Variants in TNR observed in about 807,000 individuals in gnomAD.
TNR encodes the protein tenascin-R.
In TNR, 45 loss-of-function variants were observed where a neutral mutation model predicts 150.4. The ratio of observed to expected loss-of-function variants is 0.30; its 90% CI spans 0.24 to 0.38. TNR has a LOEUF of 0.38. Ranked by LOEUF, TNR falls within the 10% of genes least tolerant of loss-of-function variation. The pLI is 1.00. For missense variants in TNR, 1,544 were observed against 1,759.1 expected (o/e 0.88, Z 2.19); for synonymous variants, 687 against 678.4 (o/e 1.01, Z -0.20).
rs960125516 is a variant in TNR at position 175,324,032 on chromosome 1, C to T, written c.3957+324G>A. On this transcript the variant is annotated intron_variant, in intron 22 of 22. Coordinates refer to ENST00000367674, the MANE Select transcript of TNR (RefSeq NM_003285.3). The stretch of plus-strand genomic sequence containing the variant: ...ATTGTCCAGTTCACACTGGTATTTT[C>T]GATGTCTACCTTCCTGGGACCATTT... 1.1e-4 allele frequency among the ~76,000 whole-genome samples: 16 copies of T among 152,220 alleles called. No individual in the cohort carries two copies. In the South Asian group the frequency reaches 2.1e-3, roughly 20 times the overall value.
At chr1:175,472,626 C>T (rs1031642113) in intron 2 of TNR, among the ~76,000 whole-genome samples, 13 of 152,278 alleles carry the variant, frequency 8.5e-5, no homozygotes, top group Middle Eastern at 3.4e-3. Flanking sequence ...CGTATGGGAC[C>T]ACTGTCATAT....
chr1:175,712,191 A>T (rs1667036857), intron 1 of TNR, among the ~76,000 whole-genome samples: 1 of 152,148 alleles, frequency 6.6e-6, no homozygotes, highest in Non-Finnish European at 1.5e-5. Context: ...AGCTACCAGA[A>T]TTCTCATTTT....
intron 8 of TNR, among the ~76,000 whole-genome samples, chr1:175,381,968 C>T (rs919434130): frequency 3.9e-5 from 6 of 152,356 alleles, no homozygotes; most frequent in Admixed American, 3.9e-4. Flanking sequence ...GCACTGGCTT[C>T]TGCCTTTGCC....
chr1:175,579,619 A>G (rs1662267832), intron 1 of TNR, among the ~76,000 whole-genome samples: 1 of 151,284 alleles, frequency 6.6e-6, no homozygotes, highest in Non-Finnish European at 1.5e-5. Context: ...GATGTTATCT[A>G]GTATCAGTTA....
At chr1:175,682,783 A>G (rs1439586895) in intron 1 of TNR, among the ~76,000 whole-genome samples, 1 of 152,158 alleles carries the variant, frequency 6.6e-6, no homozygotes, top group African/African-American at 2.4e-5. Flanking sequence ...TCTTATGGTA[A>G]TAAGAGGGGT....
rs550132305 is a variant in TNR at position 175,525,512 on chromosome 1, T to A, written c.-64+2757A>T. ...GTAGTTTCTGATCAAAGCCATAGTT[T>A]AAATGGATTACAAGTAATTTCCTCC... On this transcript the variant is annotated intron_variant, in intron 2 of 22. Coordinates refer to ENST00000367674, the MANE Select transcript of TNR (RefSeq NM_003285.3). Among the ~76,000 whole-genome samples the A allele has an allele frequency of 6.6e-5, 10 of 152,328 alleles. No homozygotes were observed. In the East Asian group the frequency reaches 1.9e-3, roughly 29 times the overall value.
intron 1 of TNR, among the ~76,000 whole-genome samples, chr1:175,741,574 C>G (rs1667933268): frequency 1.3e-5 from 2 of 152,182 alleles, no homozygotes; most frequent in African/African-American, 4.8e-5. Flanking sequence ...CTGCATTTGT[C>G]TATTTCAGTC....
intron 15 of TNR, among the ~76,000 whole-genome samples, chr1:175,359,139 C>CTTTTTTATTTTTTT (rs1651468516): frequency 2.4e-5 from 1 of 42,138 alleles, no homozygotes; most frequent in Non-Finnish European, 4.3e-5. Context: ...GGGATATCTT[C>CTTTTTTATTTTTTT]TTTTTTTTTT....
At chr1:175,630,168 T>C (rs1316657183) in intron 1 of TNR, among the ~76,000 whole-genome samples, 6 of 152,124 alleles carry the variant, frequency 3.9e-5, no homozygotes, top group Non-Finnish European at 8.8e-5. Context: ...TGAAAAAATA[T>C]CAAGAGCGAT....
chr1:175,434,292 T>G (rs1006729394), intron 2 of TNR, among the ~76,000 whole-genome samples: 1 of 152,148 alleles, frequency 6.6e-6, no homozygotes, highest in East Asian at 1.9e-4. Flanking sequence ...CGACTGTCCC[T>G]GGGAACACAA....
intron 2 of TNR, among the ~76,000 whole-genome samples, chr1:175,524,380 G>C (rs1031037531): frequency 2.6e-5 from 4 of 152,080 alleles, no homozygotes; most frequent in African/African-American, 9.7e-5. Flanking sequence ...TCCAGGACAA[G>C]AGAAAGAGAG....
At chr1:175,380,639 T>C (rs905760190) in intron 8 of TNR, among the ~76,000 whole-genome samples, 1 of 151,930 alleles carries the variant, frequency 6.6e-6, no homozygotes, top group African/African-American at 2.4e-5. Context: ...AAGCTTTTCC[T>C]GAGTTCCATC....
At chr1:175,391,136 G>T in intron 7 of TNR, 152 bp downstream of exon 7, 1 of 846,084 alleles carries the variant, frequency 1.2e-6, no homozygotes, top group Non-Finnish European at 1.8e-6. Context: ...TAAGCATCTG[G>T]TAGAGTAGCT....
chr1:175,503,320 C>T (rs1054105792), intron 2 of TNR, among the ~76,000 whole-genome samples: 2 of 152,128 alleles, frequency 1.3e-5, no homozygotes, highest in Admixed American at 6.5e-5. Context: ...GACAGACCCA[C>T]GTTCTTTTTC....
chr1:175,529,333 G>A (rs1411195190), intron 1 of TNR, among the ~76,000 whole-genome samples: 2 of 152,204 alleles, frequency 1.3e-5, no homozygotes, highest in African/African-American at 4.8e-5. Flanking sequence ...GCTCATCTAA[G>A]ACATCTGTGA....
chr1:175,403,544 T>C lies in TNR; in HGVS notation c.572A>G (p.Asn191Ser). 6.2e-7 allele frequency: 1 copy of C among 1,614,188 alleles called. No homozygotes were observed. Among genetic ancestry groups the C allele is most frequent in the Non-Finnish European group, 8.5e-7 (1 of 1,180,032 alleles). The change falls in exon 4 of 23, where the codon AAC becomes AGC. Residue 191 changes from asparagine to serine, a missense_variant. This residue lies in a region of TNR where 1,254 missense variants were observed against 1,329.4 expected (regional missense o/e 0.94). Coordinates refer to ENST00000367674, the MANE Select transcript of TNR (RefSeq NM_003285.3). ...FSFESCGCIC[N>S]EGWFGKNCSE... ...GCAATTCTTGCCAAACCAGCCTTCG[T>C]TGCAGATGCAGCCACAGGACTCAAA... is the stretch of plus-strand genomic sequence containing the variant.
In TNR at chr1:175,315,926, T is replaced by C. The variant is rs1648828083; in HGVS notation, c.*7431A>G. 1 of 152,028 alleles carries C rather than the reference T, an allele frequency of 6.6e-6. No individual in the cohort carries two copies. Among genetic ancestry groups the C allele is most frequent in the Non-Finnish European group, 1.5e-5 (1 of 67,998 alleles). 9.4% of individuals were successfully genotyped at this position (152,028 alleles called of 1,614,324 possible). On this transcript the variant is annotated 3_prime_UTR_variant, in exon 23 of 23. Coordinates refer to ENST00000367674, the MANE Select transcript of TNR (RefSeq NM_003285.3). Reference sequence around the variant, plus strand: ...AAACCTTGAGTCTGTGGGACCATGGTGTGAGTCTGGGCCTCCGCAGTTGGT... The same window carrying C: ...AAACCTTGAGTCTGTGGGACCATGGCGTGAGTCTGGGCCTCCGCAGTTGGT...
At chr1:175,673,669 G>A (rs1049690567) in intron 1 of TNR, among the ~76,000 whole-genome samples, 2 of 152,182 alleles carry the variant, frequency 1.3e-5, no homozygotes, top group South Asian at 2.1e-4. Flanking sequence ...CCTCACAATC[G>A]AAGTGAGTAA....
intron 1 of TNR, among the ~76,000 whole-genome samples, chr1:175,632,313 C>A (rs1199274524): frequency 1.3e-5 from 2 of 152,238 alleles, no homozygotes; most frequent in African/African-American, 4.8e-5. Flanking sequence ...CTCCCCCGTG[C>A]ACTGTTGTCA....
Sources: gnomAD v4.1 joint callset for allele counts (sites outside exome capture counted in the v4.1 genomes callset) on GRCh38, gnomAD v4.1.1 for gene constraint, gnomAD v4.1.1 regional missense constraint, MANE v1.5 for transcripts, NCBI Gene and HGNC (gene_info 2026-07-23, HGNC 2026-07-21) for gene names.